The following ADAM19 variants were observed in gnomAD, a reference collection of about 807,000 sequenced individuals.
ADAM19 encodes disintegrin and metalloproteinase domain-containing protein 19.
Under a neutral mutation model 114.7 loss-of-function variants are expected in ADAM19, and 65 were observed. The observed-to-expected ratio is 0.57, with a 90% confidence interval of 0.46 to 0.70. The LOEUF (loss-of-function observed/expected upper bound fraction) is 0.70. ADAM19 is among the 30% of genes least tolerant of loss of function. The pLI, the probability that ADAM19 is intolerant of heterozygous loss-of-function variation, is 0.00. For missense variants in ADAM19, 1,063 were observed against 1,204.7 expected (o/e 0.88, Z 1.74); for synonymous variants, 466 against 460.5 (o/e 1.01, Z -0.15).
At position 157,477,833 on chromosome 5, in the gene ADAM19, G is replaced by A. The variant is rs763588293; in HGVS notation, c.*3116C>T. On this transcript the variant is annotated 3_prime_UTR_variant, in exon 23 of 23. Coordinates refer to ENST00000257527, the MANE Select transcript of ADAM19 (RefSeq NM_033274.5). ...GAGGTGGGGAGGGGCTATTGCTTCA[G>A]GGGGAAGGGACTATGGCAATACAAA... 1.2e-4 allele frequency: 96 copies of A among 779,658 alleles called. No individual in the cohort carries two copies. The highest frequency in any genetic ancestry group is 1.7e-4 in the Non-Finnish European group (89 of 527,976). 48.3% of individuals were successfully genotyped at this position (779,658 alleles called of 1,614,324 possible).
At position 157,575,626 on chromosome 5, in the gene ADAM19, G is replaced by C; in HGVS notation, c.71C>G (p.Ala24Gly). 2.1e-6 allele frequency: 3 copies of C among 1,443,048 alleles called. No individual in the cohort carries two copies. The highest frequency in any genetic ancestry group is 2.7e-6 in the Non-Finnish European group (3 of 1,104,362). The allele number at this position is 1,443,048 out of a possible 1,614,324, so 89.4% of individuals were successfully genotyped here. The change falls in exon 1 of 23, where the codon GCG becomes GGG. Residue 24 changes from alanine (A) to glycine (G), a missense_variant. Physicochemically the swap from Ala to Gly is moderately conservative, Grantham distance 60 (BLOSUM62 0). Coordinates refer to ENST00000257527, the MANE Select transcript of ADAM19 (RefSeq NM_033274.5). ...AFALQPLRPR[A>G]AREPGWTRGS... The stretch of plus-strand genomic sequence containing the variant: ...ACTTGTCCATCCAGGCTCCCGCGCC[G>C]CCCGCGGCCGGAGGGGCTGCAGGGC...
intron 21 of ADAM19, among the ~76,000 whole-genome samples, chr5:157,487,113 C>T (rs1581286765): frequency 6.6e-6 from 1 of 152,162 alleles, no homozygotes; most frequent in Admixed American, 6.5e-5. Context: ...TGTTTTGAAG[C>T]CACCCAGTGT....
At chr5:157,563,339 T>C (rs1757563992) in intron 3 of ADAM19, among the ~76,000 whole-genome samples, 2 of 152,228 alleles carry the variant, frequency 1.3e-5, no homozygotes, top group Admixed American at 1.3e-4. Context: ...CTGTGAGTTG[T>C]ATTTTAACCA....
At chr5:157,491,579 A>G in intron 18 of ADAM19, 36 bp downstream of exon 18, 1 of 1,412,488 alleles carries the variant, frequency 7.1e-7, no homozygotes, top group Non-Finnish European at 9.4e-7. Flanking sequence ...CTCTTCTCAC[A>G]AAAGCGGGCA....
At chr5:157,509,255 G>T in intron 9 of ADAM19, 46 bp downstream of exon 9, 1 of 1,542,398 alleles carries the variant, frequency 6.5e-7, no homozygotes, top group Non-Finnish European at 8.8e-7. Flanking sequence ...GTGGGCAGAG[G>T]CTTTGCAGCC....
chr5:157,481,087 AGAAG>A, intron 22 of ADAM19, 85 bp from the exon 23 acceptor site: 2 of 1,571,970 alleles, frequency 1.3e-6, no homozygotes, highest in African/African-American at 1.3e-5. Flanking sequence ...TCCCGATTTT[AGAAG>A]GAAGGATGGA....
intron 7 of ADAM19, among the ~76,000 whole-genome samples, chr5:157,518,127 A>G: frequency 6.6e-6 from 1 of 152,136 alleles, no homozygotes; most frequent in Non-Finnish European, 1.5e-5. Flanking sequence ...GACTGGGAAT[A>G]TATTTATCAT....
At chr5:157,509,595 T>TA (rs949091894) in intron 8 of ADAM19, 128 bp from the exon 9 acceptor site, 492 of 809,226 alleles carry the variant, frequency 6.1e-4, no homozygotes, top group African/African-American at 1.5e-3. Flanking sequence ...AAAATAAATT[T>TA]AAAAAAAAAG....
chr5:157,558,014 A>G (rs957661221), intron 3 of ADAM19, among the ~76,000 whole-genome samples: 1 of 152,228 alleles, frequency 6.6e-6, no homozygotes, highest in African/African-American at 2.4e-5. Flanking sequence ...CTGCAACTCC[A>G]GGCATTTGGG....
intron 5 of ADAM19, among the ~76,000 whole-genome samples, chr5:157,525,407 A>G (rs1450951002): frequency 1.3e-5 from 2 of 152,194 alleles, no homozygotes; most frequent in African/African-American, 2.4e-5. Flanking sequence ...ACACAGAAGG[A>G]AGCTTTTAAT....
chr5:157,488,513 C>T (rs748816492), intron 20 of ADAM19, 24 bp from the exon 21 acceptor site: 2 of 1,533,760 alleles, frequency 1.3e-6, no homozygotes, highest in Non-Finnish European at 1.8e-6. Context: ...TCAAGGAACA[C>T]CTGAGACAAG....
chr5:157,552,318 T>C (rs530630122), intron 3 of ADAM19, among the ~76,000 whole-genome samples: 5 of 152,258 alleles, frequency 3.3e-5, no homozygotes, highest in East Asian at 3.9e-4. Flanking sequence ...TGCTACCATA[T>C]GATCCAGCAA....
chr5:157,477,734 C>T lies in ADAM19; in HGVS notation c.*3215G>A, dbSNP rs776359464. ...TTTCAAATTGCAAGTCTTCCATACCCTCTGTCAAATAAGAATAAATTAGGA... is the reference window on the plus strand; with the variant it reads ...TTTCAAATTGCAAGTCTTCCATACCTTCTGTCAAATAAGAATAAATTAGGA... On this transcript the variant is annotated 3_prime_UTR_variant, in exon 23 of 23. Coordinates refer to ENST00000257527, the MANE Select transcript of ADAM19 (RefSeq NM_033274.5). 7.0e-6 allele frequency: 9 copies of T among 1,289,532 alleles called. No individual in the cohort carries two copies. In the South Asian group the frequency reaches 1.1e-4, roughly 16 times the overall value. The allele number at this position is 1,289,532 out of a possible 1,614,324, so 79.9% of individuals were successfully genotyped here.
In ADAM19 at chr5:157,493,132, C is replaced by T. The variant is rs745796954; in HGVS notation, c.1749G>A (p.Arg583=). Reference sequence around the variant, plus strand: ...TGGGCACCGCGTTGGACTCCAGGGGCCGGGCCTCAGAGCTCTGACACTGGA... The same window carrying T: ...TGGGCACCGCGTTGGACTCCAGGGGTCGGGCCTCAGAGCTCTGACACTGGA... ...GKIQCQSSEA[R]PLESNAVPID... is the part of the protein sequence containing the mutation. Residue 583 remains arginine, a synonymous_variant, in exon 16 of 23, where the codon CGG becomes CGA. Coordinates refer to ENST00000257527, the MANE Select transcript of ADAM19 (RefSeq NM_033274.5). 3.7e-6 allele frequency: 6 copies of T among 1,614,082 alleles called. No homozygotes were observed. The highest frequency in any genetic ancestry group is 4.2e-6 in the Non-Finnish European group (5 of 1,180,044).
intron 15 of ADAM19, among the ~76,000 whole-genome samples, chr5:157,493,603 TTATC>T (rs1215722769): frequency 6.6e-6 from 1 of 152,114 alleles, no homozygotes; most frequent in East Asian, 1.9e-4. Context: ...ATCTATCTTA[TTATC>T]TATCTACCTT....
rs997381622 is a variant in ADAM19, at chr5:157,477,672, G to T, written c.*3277C>A. On this transcript the variant is annotated 3_prime_UTR_variant, in exon 23 of 23. Transcript: ENST00000257527. The stretch of plus-strand genomic sequence containing the variant: ...GTCCAGCAGAGCTGTTATACACGTG[G>T]TTAACACAATTACTGACTTTGGAAC... 10 of 1,289,646 alleles carry T rather than the reference G, an allele frequency of 7.8e-6. No individual in the cohort carries two copies. Among genetic ancestry groups the T allele is most frequent in the Non-Finnish European group, 1.0e-5 (10 of 988,828 alleles). 79.9% of individuals were successfully genotyped at this position (1,289,646 alleles called of 1,614,324 possible).
chr5:157,520,256 G>C (rs565317671), intron 5 of ADAM19, among the ~76,000 whole-genome samples: 1 of 152,148 alleles, frequency 6.6e-6, no homozygotes, highest in Non-Finnish European at 1.5e-5. Flanking sequence ...TGAGCTCAGG[G>C]CACTTGGACC....
Position 157,479,463 on chromosome 5 carries a change from C to T in ADAM19, c.*1486G>A. 1.0e-6 allele frequency: 1 copy of T among 985,906 alleles called. No homozygotes were observed. Among genetic ancestry groups the T allele is most frequent in the South Asian group, 4.7e-5 (1 of 21,284 alleles). The allele number at this position is 985,906 out of a possible 1,614,324, so 61.1% of individuals were successfully genotyped here. ...AGGCCAGCTCCTGTCCGGAGAGCCACCCAGCACCTTTGTGGAGTGGGAGTC... is the reference window on the plus strand; with the variant it reads ...AGGCCAGCTCCTGTCCGGAGAGCCATCCAGCACCTTTGTGGAGTGGGAGTC... On this transcript the variant is annotated 3_prime_UTR_variant, in exon 23 of 23. Transcript: ENST00000257527.
rs887368254 is a variant in ADAM19, at chr5:157,478,333, C to G, written c.*2616G>C. ...AAAAAAGGCTGGGCACAACGTCATT[C>G]CCTGAACGTGGTTCTTTCTAGCCAT... On this transcript the variant is annotated 3_prime_UTR_variant, in exon 23 of 23. Coordinates refer to ENST00000257527, the MANE Select transcript of ADAM19 (RefSeq NM_033274.5). 18 of 151,620 alleles carry G rather than the reference C, an allele frequency of 1.2e-4. No individual in the cohort carries two copies. The highest frequency in any genetic ancestry group is 2.5e-4 in the Non-Finnish European group (17 of 68,742). The allele number at this position is 151,620 out of a possible 1,614,324, so 9.4% of individuals were successfully genotyped here.
Sources: gnomAD v4.1 joint callset for allele counts (sites outside exome capture counted in the v4.1 genomes callset) on GRCh38, gnomAD v4.1.1 for gene constraint, MANE v1.5 for transcripts, NCBI Gene and HGNC (gene_info 2026-07-23, HGNC 2026-07-21) for gene names.